Variants in SOBP observed in about 807,000 individuals in gnomAD.
The protein encoded by SOBP is sine oculis-binding protein homolog.
A neutral mutation model predicts 53.6 loss-of-function variants in SOBP; 4 were observed. That is an observed-to-expected ratio of 0.07 (90% CI 0.04 to 0.17). The LOEUF is 0.17. Ranked by LOEUF, SOBP falls within the 10% of genes least tolerant of loss-of-function variation. SOBP has a pLI of 1.00. For synonymous variants in SOBP, 584 were observed against 522.6 expected (o/e 1.12, Z -1.60); for missense variants, 1,088 against 1,204.7 (o/e 0.90, Z 1.43).
At chr6:107,535,168 T>C (rs1420023887) in intron 4 of SOBP, among the ~76,000 whole-genome samples, 5 of 152,204 alleles carry the variant, frequency 3.3e-5, no homozygotes, top group South Asian at 2.1e-4. Flanking sequence ...TGGTGATACA[T>C]GTTATATTTT....
chr6:107,527,878 A>G (rs1783710123), intron 3 of SOBP, among the ~76,000 whole-genome samples: 1 of 152,186 alleles, frequency 6.6e-6, no homozygotes, highest in Non-Finnish European at 1.5e-5. Flanking sequence ...GTTATATGCC[A>G]TTGTCTGCTG....
At chr6:107,655,823 T>TTGG (rs1373309265) in intron 6 of SOBP, among the ~76,000 whole-genome samples, 6 of 152,194 alleles carry the variant, frequency 3.9e-5, no homozygotes, top group African/African-American at 1.4e-4. Flanking sequence ...TTGGTCTTTG[T>TTGG]CCAAAGGTGA....
chr6:107,646,349 C>G (rs558160965), intron 6 of SOBP, among the ~76,000 whole-genome samples: 1 of 152,186 alleles, frequency 6.6e-6, no homozygotes, highest in Non-Finnish European at 1.5e-5. Flanking sequence ...ATTCCAGGAT[C>G]TAAAGAAGGA....
chr6:107,661,055 T>C lies in SOBP; in HGVS notation c.*2852T>C, dbSNP rs1230916942. ...GTGGTTGTCCTGATAGCATTATTCA[T>C]CTGGTCTTGGCCATGGAGACAGTCA... On this transcript the variant is annotated 3_prime_UTR_variant, in exon 7 of 7. Transcript: ENST00000317357. Among the ~76,000 whole-genome samples, 1 of 152,240 alleles carries C rather than the reference T, an allele frequency of 6.6e-6. No individual in the cohort carries two copies. Among genetic ancestry groups the C allele is most frequent in the African/African-American group, 2.4e-5 (1 of 41,472 alleles).
At chr6:107,553,391 C>G (rs1214946862) in intron 4 of SOBP, among the ~76,000 whole-genome samples, 1 of 150,936 alleles carries the variant, frequency 6.6e-6, no homozygotes, top group Non-Finnish European at 1.5e-5. Context: ...TGCAGTGGCA[C>G]GATCTCGGCT....
chr6:107,565,313 C>A (rs1321760009), intron 4 of SOBP, among the ~76,000 whole-genome samples: 1 of 152,202 alleles, frequency 6.6e-6, no homozygotes, highest in Non-Finnish European at 1.5e-5. Context: ...CTGTCTCCAT[C>A]TGCCGTAGAA....
intron 4 of SOBP, among the ~76,000 whole-genome samples, chr6:107,556,172 A>C (rs894282100): frequency 1.3e-5 from 2 of 152,096 alleles, no homozygotes; most frequent in African/African-American, 4.8e-5. Context: ...TGTAATAGGG[A>C]TGTTATAAAG....
At chr6:107,513,472 T>C (rs1783229860) in intron 3 of SOBP, among the ~76,000 whole-genome samples, 1 of 151,704 alleles carries the variant, frequency 6.6e-6, no homozygotes, top group South Asian at 2.1e-4. Flanking sequence ...TGACATGGAG[T>C]TGTACTTGCA....
intron 4 of SOBP, among the ~76,000 whole-genome samples, chr6:107,574,185 T>G (rs1785159507): frequency 1.3e-5 from 2 of 152,206 alleles, no homozygotes; most frequent in Non-Finnish European, 2.9e-5. Flanking sequence ...TTTCATCCCT[T>G]AAGACAAAGA....
intron 5 of SOBP, among the ~76,000 whole-genome samples, chr6:107,594,368 T>C (rs1467627249): frequency 6.6e-6 from 1 of 152,096 alleles, no homozygotes; most frequent in Non-Finnish European, 1.5e-5. Flanking sequence ...CCAAATTTAC[T>C]AGCAATGGAG....
At chr6:107,543,171 CAAGCT>C (rs996339467) in intron 4 of SOBP, among the ~76,000 whole-genome samples, 1 of 152,128 alleles carries the variant, frequency 6.6e-6, no homozygotes, top group Non-Finnish European at 1.5e-5. Context: ...TATAAAGTCC[CAAGCT>C]AGTATGTACT....
chr6:107,490,760 C>T (rs1417958982), intron 1 of SOBP, 48 bp downstream of exon 1: 1 of 1,433,440 alleles, frequency 7.0e-7, no homozygotes, highest in South Asian at 1.2e-5. Flanking sequence ...TTTCTTGCGC[C>T]CGCTCCCCGT....
chr6:107,638,212 G>GTTAT (rs57949409), intron 6 of SOBP, among the ~76,000 whole-genome samples: 5 of 151,330 alleles, frequency 3.3e-5, no homozygotes, highest in African/African-American at 1.2e-4. Flanking sequence ...TATTTATTTA[G>GTTAT]TTATTTATTA....
chr6:107,525,311 TACTC>T (rs768581744), intron 3 of SOBP, among the ~76,000 whole-genome samples: 2 of 152,182 alleles, frequency 1.3e-5, no homozygotes, highest in Non-Finnish European at 2.9e-5. Flanking sequence ...TATGGGGAAA[TACTC>T]ACATTAATGT....
intron 1 of SOBP, among the ~76,000 whole-genome samples, chr6:107,496,574 C>T (rs535927554): frequency 1.8e-4 from 28 of 152,248 alleles, no homozygotes; most frequent in South Asian, 8.3e-4. Context: ...ATGTCCTCTG[C>T]GTTAAAATCA....
At chr6:107,639,154 T>G (rs1771197039) in intron 6 of SOBP, among the ~76,000 whole-genome samples, 1 of 152,116 alleles carries the variant, frequency 6.6e-6, no homozygotes, top group Non-Finnish European at 1.5e-5. Flanking sequence ...CTGCCCACCT[T>G]GGTCTCCCAA....
chr6:107,568,491 A>G (rs1784978714), intron 4 of SOBP, among the ~76,000 whole-genome samples: 1 of 152,176 alleles, frequency 6.6e-6, no homozygotes, highest in Admixed American at 6.5e-5. Context: ...ATGATTCTGA[A>G]TAGCATGGAA....
intron 4 of SOBP, among the ~76,000 whole-genome samples, chr6:107,539,612 T>C (rs969451619): frequency 6.6e-6 from 1 of 152,204 alleles, no homozygotes; most frequent in African/African-American, 2.4e-5. Flanking sequence ...ATCAGCCACA[T>C]TGTGTTCTGG....
chr6:107,604,231 A>G (rs1008536569), intron 5 of SOBP, among the ~76,000 whole-genome samples: 1 of 152,328 alleles, frequency 6.6e-6, no homozygotes, highest in South Asian at 2.1e-4. Flanking sequence ...ACAAGAGCCA[A>G]CAGGTTCACA....
Sources: allele counts gnomAD v4.1 joint callset (sites outside exome capture counted in the v4.1 genomes callset), GRCh38; gene constraint gnomAD v4.1.1; transcripts MANE v1.5; gene names NCBI Gene and HGNC (gene_info 2026-07-23, HGNC 2026-07-21).